Variants in SNTG1 observed in about 807,000 individuals in gnomAD.
The protein encoded by SNTG1 is syntrophin gamma 1.
Under a neutral mutation model 74.7 loss-of-function variants are expected in SNTG1, and 39 were observed. The ratio of observed to expected loss-of-function variants is 0.52; its 90% confidence interval spans 0.40 to 0.68. The LOEUF is 0.68. Among genes scored for constraint, SNTG1 ranks in the 30% least tolerant of loss-of-function variants. The probability of loss-of-function intolerance (pLI) is 0.00; values close to 1 mark genes in which losing one functional copy is unlikely to be tolerated. For missense variants in SNTG1, 685 were observed against 609.5 expected, an observed-to-expected ratio of 1.12 and a Z score of -1.30; for synonymous variants, 254 against 217.1, an observed-to-expected ratio of 1.17 and a Z score of -1.49.
At chr8:50,758,148 G>T (rs1185568724) in intron 18 of SNTG1, among the ~76,000 whole-genome samples, 3 of 151,348 alleles carry the variant, frequency 2.0e-5, no homozygotes, top group African/African-American at 7.3e-5. Context: ...ATTTGTTCTT[G>T]CATGTGGTCT....
At chr8:50,428,494 A>G (rs2093192607) in intron 4 of SNTG1, among the ~76,000 whole-genome samples, 1 of 152,198 alleles carries the variant, frequency 6.6e-6, no homozygotes, top group Non-Finnish European at 1.5e-5. Context: ...GGAATTGTGC[A>G]ATTTTCAATT....
chr8:50,553,006 C>A (rs1317008182), intron 11 of SNTG1, 44 bp from the exon 12 acceptor site: 1 of 1,607,980 alleles, frequency 6.2e-7, no homozygotes. Flanking sequence ...GCAAATAGAT[C>A]AATGACATGA....
intron 2 of SNTG1, among the ~76,000 whole-genome samples, chr8:50,216,606 C>G (rs2084804366): frequency 6.6e-6 from 1 of 151,988 alleles, no homozygotes; most frequent in Non-Finnish European, 1.5e-5. Flanking sequence ...GGGGTGTATA[C>G]TAGACAGTAT....
rs2092614302 is a variant in SNTG1 at position 50,388,872 on chromosome 8, GC to G, written c.-27-5339del. Among the ~76,000 whole-genome samples, 9 of 152,296 alleles carry G rather than the reference GC, an allele frequency of 5.9e-5. No homozygotes were observed. In the South Asian group the frequency reaches 1.9e-3, roughly 32 times the overall value. ...GATTAAATGGCTGGGCTCTGTAGCA[GC>G]TAAAGCTCACCACCACAAATATCAA... On this transcript the variant is annotated intron_variant, in intron 2 of 18. Transcript: ENST00000642720.
chr8:50,558,339 C>A (rs1408522894), intron 12 of SNTG1, among the ~76,000 whole-genome samples: 1 of 152,124 alleles, frequency 6.6e-6, no homozygotes, highest in Non-Finnish European at 1.5e-5. Flanking sequence ...TCGCAGAGGC[C>A]TCTTCCCAGG....
chr8:50,691,114 C>G (rs1265295350), intron 15 of SNTG1, among the ~76,000 whole-genome samples: 1 of 152,108 alleles, frequency 6.6e-6, no homozygotes, highest in East Asian at 1.9e-4. Flanking sequence ...GATCTCCCTC[C>G]ATCCCTTTAT....
chr8:49,972,708 A>G (rs1409471172), intron 1 of SNTG1, among the ~76,000 whole-genome samples: 4 of 152,138 alleles, frequency 2.6e-5, no homozygotes, highest in Admixed American at 6.5e-5. Context: ...GGTGAAGGGT[A>G]TGAACAGACA....
chr8:50,348,593 A>G (rs963262054), intron 2 of SNTG1, among the ~76,000 whole-genome samples: 1 of 152,206 alleles, frequency 6.6e-6, no homozygotes, highest in African/African-American at 2.4e-5. Context: ...TTAATGTAGG[A>G]TGATAAATCA....
chr8:50,476,456 A>G (rs968647496), intron 8 of SNTG1, among the ~76,000 whole-genome samples: 2 of 152,150 alleles, frequency 1.3e-5, no homozygotes, highest in Admixed American at 1.3e-4. Flanking sequence ...ACACATGTAC[A>G]CTGTATTTGA....
intron 15 of SNTG1, among the ~76,000 whole-genome samples, chr8:50,676,960 A>G (rs989918115): frequency 2.6e-5 from 4 of 151,994 alleles, no homozygotes; most frequent in African/African-American, 9.7e-5. Flanking sequence ...AAAGCTATCT[A>G]ATTCTGTTTT....
intron 2 of SNTG1, among the ~76,000 whole-genome samples, chr8:50,295,045 TG>T (rs2089299683): frequency 6.6e-6 from 1 of 152,200 alleles, no homozygotes; most frequent in African/African-American, 2.4e-5. Context: ...CAAACCACTT[TG>T]TACATAGTAT....
At chr8:50,250,300 GAATA>G (rs2086591391) in intron 2 of SNTG1, among the ~76,000 whole-genome samples, 1 of 151,594 alleles carries the variant, frequency 6.6e-6, no homozygotes, top group Admixed American at 6.6e-5. Context: ...GAATGAAAAA[GAATA>G]AAGAAAGCCT....
chr8:50,349,309 C>A (rs1283101532), intron 2 of SNTG1, among the ~76,000 whole-genome samples: 1 of 152,114 alleles, frequency 6.6e-6, no homozygotes, highest in Non-Finnish European at 1.5e-5. Flanking sequence ...AATTCTGCTT[C>A]AAAGATTCCA....
intron 2 of SNTG1, among the ~76,000 whole-genome samples, chr8:50,288,604 C>A (rs2088917188): frequency 6.6e-6 from 1 of 152,144 alleles, no homozygotes; most frequent in Admixed American, 6.6e-5. Context: ...GACAACTCAA[C>A]TCTCTGAGGA....
At chr8:49,936,215 T>C (rs1353832374) in intron 1 of SNTG1, among the ~76,000 whole-genome samples, 1 of 152,218 alleles carries the variant, frequency 6.6e-6, no homozygotes, top group Non-Finnish European at 1.5e-5. Context: ...AACCAAAATG[T>C]TGTCAGCTGA....
intron 13 of SNTG1, among the ~76,000 whole-genome samples, chr8:50,653,501 T>C (rs190665023): frequency 9.8e-5 from 15 of 152,346 alleles, no homozygotes; most frequent in Admixed American, 2.6e-4. Flanking sequence ...TAATACCTTG[T>C]TTTGATTACA....
Position 50,121,682 on chromosome 8 carries a change from A to G in SNTG1, c.-102-50879A>G, listed in dbSNP as rs2081001772. Among the ~76,000 whole-genome samples the G allele has an allele frequency of 1.4e-5, 2 of 141,954 alleles. 1 individual carries two copies. The highest frequency in any genetic ancestry group is 5.3e-4 in the South Asian group (2 of 3,802). The allele number at this position is 141,954 out of a possible 152,430, so 93.1% of individuals were successfully genotyped here. Reference sequence around the variant, plus strand: ...AACCAATGTGTTACAACTGTACCAAAAAAATAGAATGAATTTTAAATCATG... The same window carrying G: ...AACCAATGTGTTACAACTGTACCAAGAAAATAGAATGAATTTTAAATCATG... On this transcript the variant is annotated intron_variant, in intron 1 of 18. Transcript: ENST00000642720.
chr8:50,269,372 A>G (rs2087656016), intron 2 of SNTG1, among the ~76,000 whole-genome samples: 1 of 152,194 alleles, frequency 6.6e-6, no homozygotes. Flanking sequence ...AACATGGATA[A>G]CTGAGAAAAT....
chr8:50,038,227 A>G (rs1204314145), intron 1 of SNTG1, among the ~76,000 whole-genome samples: 1 of 151,974 alleles, frequency 6.6e-6, no homozygotes, highest in Non-Finnish European at 1.5e-5. Flanking sequence ...TGATCTATGT[A>G]CCCCTGAAAA....
Sources: allele counts gnomAD v4.1 joint callset (sites outside exome capture counted in the v4.1 genomes callset), GRCh38; gene constraint gnomAD v4.1.1; transcripts MANE v1.5; gene names NCBI Gene and HGNC (gene_info 2026-07-23, HGNC 2026-07-21).